Variants in PARD3 observed in about 807,000 individuals in gnomAD.
PARD3 encodes the protein partitioning defective 3 homolog.
PARD3 carries 75 observed loss-of-function variants against 155.4 expected under a neutral mutation model. That is an observed-to-expected ratio of 0.48 (90% CI 0.40 to 0.58). The LOEUF (loss-of-function observed/expected upper bound fraction) is 0.58, where lower values mean the gene tolerates loss of function less well. Ranked by LOEUF, PARD3 falls within the 20% of genes least tolerant of loss-of-function variation. PARD3 has a pLI of 0.00. For missense variants in PARD3, 1,642 were observed against 1,721.7 expected (o/e 0.95, Z 0.82); for synonymous variants, 576 against 610.5 (o/e 0.94, Z 0.83).
chr10:34,401,094 A>G (rs944894279), intron 6 of PARD3, among the ~76,000 whole-genome samples: 4 of 152,224 alleles, frequency 2.6e-5, no homozygotes, highest in Non-Finnish European at 5.9e-5. Flanking sequence ...GACAGAATTA[A>G]GTACATAAAT....
chr10:34,590,916 T>C (rs1212947710), intron 2 of PARD3, among the ~76,000 whole-genome samples: 2 of 152,296 alleles, frequency 1.3e-5, no homozygotes, highest in Middle Eastern at 3.4e-3. Flanking sequence ...TCTCTGTCCT[T>C]ACTATGGCCA....
chr10:34,269,995 T>C (rs574070329), intron 21 of PARD3, 96 bp from the exon 22 acceptor site: 1 of 1,240,170 alleles, frequency 8.1e-7, no homozygotes, highest in South Asian at 1.5e-5. Context: ...AAAATATATT[T>C]GATTTCTTGC....
intron 5 of PARD3, among the ~76,000 whole-genome samples, chr10:34,444,166 C>T (rs2076616223): frequency 6.6e-6 from 1 of 152,170 alleles, no homozygotes; most frequent in East Asian, 1.9e-4. Flanking sequence ...TGCCTTGTGC[C>T]TCTCTGCTGT....
chr10:34,660,355 ATACT>A (rs756787963), intron 2 of PARD3, among the ~76,000 whole-genome samples: 70 of 152,338 alleles, frequency 4.6e-4, no homozygotes, highest in African/African-American at 8.9e-4. Flanking sequence ...ATCTAGATAA[ATACT>A]TACATTATCT....
chr10:34,812,899 C>T (rs1844376834), intron 1 of PARD3, among the ~76,000 whole-genome samples: 2 of 152,156 alleles, frequency 1.3e-5, no homozygotes, highest in African/African-American at 4.8e-5. Context: ...CACTGCTAAT[C>T]GTTAATAAGG....
intron 22 of PARD3, among the ~76,000 whole-genome samples, chr10:34,261,825 G>GAAAGAAAGAAAGAAAGA (rs1238097146): frequency 4.3e-5 from 6 of 138,886 alleles, no homozygotes; most frequent in Non-Finnish European, 7.8e-5. Flanking sequence ...AAGAAAGAAA[G>GAAAGAAAGAAAGAAAGA]AAACAAACAA....
At chr10:34,308,313 G>A (rs2134068454) in intron 20 of PARD3, among the ~76,000 whole-genome samples, 1 of 152,296 alleles carries the variant, frequency 6.6e-6, no homozygotes, top group East Asian at 1.9e-4. Flanking sequence ...AGGGGTTGAG[G>A]CAGGGAGCAC....
intron 20 of PARD3, among the ~76,000 whole-genome samples, chr10:34,291,554 C>T (rs936518752): frequency 1.3e-5 from 2 of 152,158 alleles, no homozygotes; most frequent in African/African-American, 2.4e-5. Context: ...GTGTTATCAT[C>T]CTCATGCTTA....
rs145257059 is a variant in PARD3, at chr10:34,225,525, T to C, written c.3419+44132A>G. Among the ~76,000 whole-genome samples, 135 of 152,240 alleles carry C rather than the reference T, an allele frequency of 8.9e-4. 1 individual carries two copies. In the East Asian group the frequency reaches 0.021, roughly 24 times the overall value. ...CACACCCAGCTAATTTTTGTATTTC[T>C]AGTTGAGACAAGGTTTCACCATGTT... On this transcript the variant is annotated intron_variant, in intron 22 of 24. Transcript: ENST00000374788.
At chr10:34,536,018 G>C (rs916917178) in intron 2 of PARD3, among the ~76,000 whole-genome samples, 1 of 152,058 alleles carries the variant, frequency 6.6e-6, no homozygotes, top group South Asian at 2.1e-4. Context: ...GAGAACGAGA[G>C]TGTATTCTGT....
chr10:34,389,984 C>T (rs1183957984), intron 7 of PARD3, among the ~76,000 whole-genome samples: 1 of 152,282 alleles, frequency 6.6e-6, no homozygotes, highest in Non-Finnish European at 1.5e-5. Flanking sequence ...TGCAACTTGT[C>T]TCTCTAAAAC....
chr10:34,646,279 C>A (rs1406452988), intron 2 of PARD3, among the ~76,000 whole-genome samples: 1 of 152,116 alleles, frequency 6.6e-6, no homozygotes, highest in Admixed American at 6.6e-5. Context: ...AAACTCAACT[C>A]CCTGATGAAT....
chr10:34,753,484 A>G (rs537102842), intron 1 of PARD3, among the ~76,000 whole-genome samples: 2 of 152,350 alleles, frequency 1.3e-5, no homozygotes, highest in South Asian at 4.1e-4. Context: ...GCCCACACAA[A>G]TATTTCTAAA....
chr10:34,346,495 T>C, intron 15 of PARD3: 6 of 1,339,468 alleles, frequency 4.5e-6, no homozygotes, highest in Non-Finnish European at 6.0e-6. Context: ...TGTGCACAAA[T>C]ATCTAGGGAC....
chr10:34,546,024 C>T lies in PARD3; in HGVS notation c.223-28865G>A, dbSNP rs966930671. Among the ~76,000 whole-genome samples the T allele has an allele frequency of 3.3e-5, 5 of 151,940 alleles. No individual in the cohort carries two copies. In the South Asian group the frequency reaches 6.2e-4, roughly 19 times the overall value. Reference sequence around the variant, plus strand: ...TTTGCACTTGTTTTTCAATTGCTTGCGCTATAAGCATGTCTTTAACGTAAA... The same window carrying T: ...TTTGCACTTGTTTTTCAATTGCTTGTGCTATAAGCATGTCTTTAACGTAAA... On this transcript the variant is annotated intron_variant, in intron 2 of 24. Coordinates refer to ENST00000374788, the MANE Select transcript of PARD3 (RefSeq NM_001184785.2).
intron 1 of PARD3, among the ~76,000 whole-genome samples, chr10:34,805,197 A>C (rs774529782): frequency 3.3e-5 from 5 of 152,120 alleles, no homozygotes; most frequent in African/African-American, 4.8e-5. Context: ...CTGTACTAAA[A>C]ATACAAAAAA....
At chr10:34,259,677 G>A (rs1016966878) in intron 22 of PARD3, among the ~76,000 whole-genome samples, 2 of 152,150 alleles carry the variant, frequency 1.3e-5, no homozygotes, top group African/African-American at 4.8e-5. Context: ...ACAACGAGAG[G>A]AATGAACCAG....
intron 22 of PARD3, among the ~76,000 whole-genome samples, chr10:34,235,927 T>A (rs1226501150): frequency 1.3e-5 from 2 of 152,202 alleles, no homozygotes; most frequent in Admixed American, 6.5e-5. Flanking sequence ...ATAAGTATAT[T>A]CAAACACTTT....
At position 34,639,285 on chromosome 10, in the gene PARD3, A is replaced by C. The variant is rs950563245; in HGVS notation, c.222+57033T>G. 2.6e-5 allele frequency among the ~76,000 whole-genome samples: 4 copies of C among 152,084 alleles called. No homozygotes were observed. The South Asian group carries it at 8.3e-4, about 32-fold the overall frequency. On this transcript the variant is annotated intron_variant, in intron 2 of 24. Coordinates refer to ENST00000374788, the MANE Select transcript of PARD3 (RefSeq NM_001184785.2). ...GTGGCACGTGACTGTAATCCCAGCT[A>C]CTCGGGAGGCTGAGGTAGGAGAATC...
Sources: allele counts gnomAD v4.1 joint callset (sites outside exome capture counted in the v4.1 genomes callset), GRCh38; gene constraint gnomAD v4.1.1; transcripts MANE v1.5; gene names NCBI Gene and HGNC (gene_info 2026-07-23, HGNC 2026-07-21).